The following ERP44 variants were observed in gnomAD, a reference collection of about 807,000 sequenced individuals.
The protein encoded by ERP44 is endoplasmic reticulum protein 44, also known as endoplasmic reticulum resident protein 44.
ERP44 carries 25 observed loss-of-function variants against 53.4 expected under a neutral mutation model. That is an observed-to-expected ratio of 0.47 (90% CI 0.34 to 0.65). ERP44 has a LOEUF of 0.65. Among genes scored for constraint, ERP44 ranks in the 30% least tolerant of loss-of-function variants. The pLI, the probability that ERP44 is intolerant of heterozygous loss-of-function variation, is 0.01. For missense variants in ERP44, 338 were observed against 493.2 expected (o/e 0.69, Z 2.98); for synonymous variants, 145 against 161.2 (o/e 0.90, Z 0.76).
intron 10 of ERP44, among the ~76,000 whole-genome samples, chr9:99,990,904 C>T (rs1158810351): frequency 6.6e-6 from 1 of 152,036 alleles, no homozygotes; most frequent in Non-Finnish European, 1.5e-5. Flanking sequence ...CAACAAAGAT[C>T]AAAAGAGACA....
At chr9:99,992,969 C>T (rs1352779956) in intron 10 of ERP44, among the ~76,000 whole-genome samples, 1 of 152,118 alleles carries the variant, frequency 6.6e-6, no homozygotes, top group Non-Finnish European at 1.5e-5. Flanking sequence ...ATGTGAAGGA[C>T]CTCTTCAAGG....
intron 1 of ERP44, among the ~76,000 whole-genome samples, chr9:100,061,509 TGTATATATTTATAGAAAC>T (rs1280606714): frequency 0.018 from 2,626 of 144,600 alleles, 151 homozygotes; most frequent in African/African-American, 0.059. Context: ...TTTATAGAAA[TGTATATATTTATAGAAAC>T]GTATATATTT....
chr9:99,985,872 T>C (rs1187986511), intron 10 of ERP44, among the ~76,000 whole-genome samples: 1 of 152,224 alleles, frequency 6.6e-6, no homozygotes, highest in Admixed American at 6.5e-5. Context: ...TTTCAGTTGT[T>C]TTGTTTTGGA....
intron 1 of ERP44, among the ~76,000 whole-genome samples, chr9:100,078,737 G>A (rs1193892234): frequency 4.0e-5 from 6 of 151,494 alleles, no homozygotes; most frequent in South Asian, 2.1e-4. Flanking sequence ...CCTGGGTGAC[G>A]AGCAAGACTT....
At chr9:100,028,807 G>T (rs1002610779) in intron 4 of ERP44, among the ~76,000 whole-genome samples, 5 of 152,050 alleles carry the variant, frequency 3.3e-5, no homozygotes, top group African/African-American at 7.2e-5. Context: ...CCAATACTGT[G>T]TAAAAAAACA....
intron 1 of ERP44, among the ~76,000 whole-genome samples, chr9:100,068,314 C>A (rs1826250983): frequency 7.0e-6 from 1 of 142,766 alleles, no homozygotes; most frequent in Non-Finnish European, 1.5e-5. Flanking sequence ...GGCCAGCTGC[C>A]CCGTCCGGGA....
At chr9:100,069,740 A>ATC (rs1451912928) in intron 1 of ERP44, among the ~76,000 whole-genome samples, 28 of 152,372 alleles carry the variant, frequency 1.8e-4, no homozygotes, top group Non-Finnish European at 1.5e-4. Flanking sequence ...GTTCAAATAT[A>ATC]GATAATACAA....
intron 8 of ERP44, among the ~76,000 whole-genome samples, chr9:100,011,158 A>T (rs1223822333): frequency 2.6e-5 from 4 of 152,234 alleles, no homozygotes; most frequent in Admixed American, 6.5e-5. Context: ...TAAGTTAAAA[A>T]AAAACATAAG....
chr9:100,098,622 C>G (rs1216288906), intron 1 of ERP44, among the ~76,000 whole-genome samples, 162 bp downstream of exon 1: 2 of 152,224 alleles, frequency 1.3e-5, no homozygotes, highest in Non-Finnish European at 2.9e-5. Flanking sequence ...GACTCCGCGC[C>G]TGGAAGCCGA....
chr9:100,069,915 A>G (rs1826280642), intron 1 of ERP44, among the ~76,000 whole-genome samples: 1 of 152,238 alleles, frequency 6.6e-6, no homozygotes, highest in East Asian at 1.9e-4. Flanking sequence ...GTATTTAAAA[A>G]TGAGATTAAC....
In ERP44 at chr9:100,046,740, G is replaced by A. The variant is rs555817616; in HGVS notation, c.286+5677C>T. On this transcript the variant is annotated intron_variant, in intron 4 of 11. Coordinates refer to ENST00000262455, the MANE Select transcript of ERP44 (RefSeq NM_015051.3). Reference sequence around the variant, plus strand: ...AGTAACCCCAGTTAAAATCCCAGTCGCCTTTTATGTTGTCATTAAAAATTA... The same window carrying A: ...AGTAACCCCAGTTAAAATCCCAGTCACCTTTTATGTTGTCATTAAAAATTA... 7.9e-5 allele frequency among the ~76,000 whole-genome samples: 12 copies of A among 152,158 alleles called. No homozygotes were observed. The South Asian group carries it at 2.3e-3, about 29-fold the overall frequency.
chr9:99,995,722 A>C (rs1830302776), intron 10 of ERP44, among the ~76,000 whole-genome samples: 1 of 152,168 alleles, frequency 6.6e-6, no homozygotes, highest in African/African-American at 2.4e-5. Context: ...TTTAAGGCTA[A>C]ATAGTATCCC....
intron 4 of ERP44, among the ~76,000 whole-genome samples, chr9:100,042,220 G>GTT (rs1816589759): frequency 6.6e-6 from 1 of 152,102 alleles, no homozygotes; most frequent in South Asian, 2.1e-4. Context: ...ACTCAAAAAT[G>GTT]TAATAATCTG....
At chr9:100,020,347 G>A (rs192368377) in intron 6 of ERP44, among the ~76,000 whole-genome samples, 17 of 152,318 alleles carry the variant, frequency 1.1e-4, no homozygotes. Context: ...GTTAGTAAAT[G>A]AGTTGAATAA....
At chr9:100,048,261 T>C (rs1825998046) in intron 4 of ERP44, among the ~76,000 whole-genome samples, 1 of 152,036 alleles carries the variant, frequency 6.6e-6, no homozygotes, top group Non-Finnish European at 1.5e-5. Flanking sequence ...ACATGGCACA[T>C]TTATACATAT....
At chr9:100,031,458 A>G (rs572936021) in intron 4 of ERP44, among the ~76,000 whole-genome samples, 9 of 152,216 alleles carry the variant, frequency 5.9e-5, no homozygotes, top group Non-Finnish European at 8.8e-5. Context: ...TCTTTTCACA[A>G]TGGTGGCACA....
rs558636074 is a variant in ERP44, at chr9:100,022,842, G to C, written c.287-616C>G. On this transcript the variant is annotated intron_variant, in intron 4 of 11. Transcript: ENST00000262455. Reference sequence around the variant, plus strand: ...AAAATGGAATATGAGCTCTCAGAAGGGGGGCTGGAGGAAAAGATTATATAA... The same window carrying C: ...AAAATGGAATATGAGCTCTCAGAAGCGGGGCTGGAGGAAAAGATTATATAA... 6.6e-5 allele frequency among the ~76,000 whole-genome samples: 10 copies of C among 152,220 alleles called. No homozygotes were observed. The South Asian group carries it at 1.9e-3, about 28-fold the overall frequency.
At chr9:100,075,052 A>C (rs1214200506) in intron 1 of ERP44, among the ~76,000 whole-genome samples, 4 of 152,238 alleles carry the variant, frequency 2.6e-5, no homozygotes, top group Non-Finnish European at 5.9e-5. Context: ...AAAAATGGTA[A>C]GTCAAAAACA....
chr9:100,096,339 G>A (rs1826628329), intron 1 of ERP44, among the ~76,000 whole-genome samples: 1 of 151,486 alleles, frequency 6.6e-6, no homozygotes, highest in Non-Finnish European at 1.5e-5. Context: ...AGCAGAAAAG[G>A]GCTAATTAAA....
Sources: gnomAD v4.1 joint callset for allele counts (sites outside exome capture counted in the v4.1 genomes callset) on GRCh38, gnomAD v4.1.1 for gene constraint, MANE v1.5 for transcripts, NCBI Gene and HGNC (gene_info 2026-07-23, HGNC 2026-07-21) for gene names.